Variants in CCDC186 observed in about 807,000 individuals in gnomAD.
CCDC186 encodes coiled-coil domain containing 186, also known as coiled-coil domain-containing protein 186.
A neutral mutation model predicts 113.7 loss-of-function variants in CCDC186; 49 were observed. That is an observed-to-expected ratio of 0.43 (90% CI 0.34 to 0.55). The LOEUF is 0.55. Ranked by LOEUF, CCDC186 falls within the 20% of genes least tolerant of loss-of-function variation. CCDC186 has a pLI of 0.02. For synonymous variants in CCDC186, 355 were observed against 345.8 expected, an observed-to-expected ratio of 1.03 and a Z score of -0.30; for missense variants, 890 against 1,011.1, an observed-to-expected ratio of 0.88 and a Z score of 1.62.
rs2030704892 is a variant in CCDC186 at position 114,121,025 on chromosome 10, T to C, written c.*4118A>G. On this transcript the variant is annotated 3_prime_UTR_variant, in exon 16 of 16. Transcript: ENST00000369287. The stretch of plus-strand genomic sequence containing the variant: ...ACATATATATATGTCCTCTGGAAGA[T>C]AAACAAGTTTCATCATTGCAGTCAA... 6.6e-6 allele frequency: 1 copy of C among 152,188 alleles called. No homozygotes were observed. Among genetic ancestry groups the C allele is most frequent in the Non-Finnish European group, 1.5e-5 (1 of 68,006 alleles). The allele number at this position is 152,188 out of a possible 1,614,324, so 9.4% of individuals were successfully genotyped here. A position where few individuals can be genotyped will look rare whatever the true frequency, so the allele number is the denominator to read the frequency against.
Position 114,131,305 on chromosome 10 carries a change from C to A in CCDC186, c.1943G>T (p.Arg648Leu), listed in dbSNP as rs758664195. ...ESRLLKEEEL[R>L]KEEVQTLQAE... ...TTGCAGAGTTTGGACTTCCTCTTTTCGCAGTTCTTCCTCTTTCAACAACCT... is the reference window on the plus strand; with the variant it reads ...TTGCAGAGTTTGGACTTCCTCTTTTAGCAGTTCTTCCTCTTTCAACAACCT... The change falls in exon 12 of 16, where the codon CGA becomes CTA. Residue 648 changes from arginine (R) to leucine (L), a missense_variant. Coordinates refer to ENST00000369287, the MANE Select transcript of CCDC186 (RefSeq NM_018017.4). 6.3e-7 allele frequency: 1 copy of A among 1,591,562 alleles called. No individual in the cohort carries two copies. The highest frequency in any genetic ancestry group is 1.2e-5 in the South Asian group (1 of 86,698).
chr10:114,145,830 G>A (rs938401022), intron 4 of CCDC186, 69 bp from the exon 5 acceptor site: 4 of 1,359,784 alleles, frequency 2.9e-6, no homozygotes, highest in African/African-American at 2.9e-5. Context: ...TGAAATACAT[G>A]GTATTTGTCT....
At chr10:114,146,221 GC>G in intron 4 of CCDC186, among the ~76,000 whole-genome samples, 1 of 152,182 alleles carries the variant, frequency 6.6e-6, no homozygotes, top group South Asian at 2.1e-4. Flanking sequence ...TTGGCTGATG[GC>G]CACTCCCCTT....
In CCDC186 at chr10:114,140,212, C is replaced by T. The variant is rs533746185; in HGVS notation, c.1222-2922G>A. ...AATAAAGCAAGGACATGAGAAAGTCCGGATAGAATGAAAGTTTGGAGAGAT... is the reference window on the plus strand; with the variant it reads ...AATAAAGCAAGGACATGAGAAAGTCTGGATAGAATGAAAGTTTGGAGAGAT... On this transcript the variant is annotated intron_variant, in intron 6 of 15. Transcript: ENST00000369287. Among the ~76,000 whole-genome samples the T allele has an allele frequency of 3.3e-5, 5 of 152,176 alleles. No homozygotes were observed. In the South Asian group the frequency reaches 6.2e-4, roughly 19 times the overall value.
At chr10:114,126,833 A>G (rs2030919146) in intron 14 of CCDC186, among the ~76,000 whole-genome samples, 1 of 152,252 alleles carries the variant, frequency 6.6e-6, no homozygotes, top group South Asian at 2.1e-4. Flanking sequence ...CAATATAAAA[A>G]AACTTTTATT....
At chr10:114,159,520 G>A (rs926019198) in intron 2 of CCDC186, among the ~76,000 whole-genome samples, 1 of 151,530 alleles carries the variant, frequency 6.6e-6, no homozygotes, top group Non-Finnish European at 1.5e-5. Context: ...GGGCGTGCCT[G>A]TAGTCCCAGC....
chr10:114,153,467 A>G (rs141495746), intron 3 of CCDC186, among the ~76,000 whole-genome samples: 10 of 152,276 alleles, frequency 6.6e-5, no homozygotes, highest in Admixed American at 2.0e-4. Context: ...AGGAAAATTT[A>G]TAACTACAAA....
rs2031573623 is a variant in CCDC186 at position 114,144,479 on chromosome 10, T to C, written c.1221+18A>G. Reference sequence around the variant, plus strand: ...AAAACTCATTCTAATCATTATTCCATTGTATTACAGTACGTACCTTGTGTG... The same window carrying C: ...AAAACTCATTCTAATCATTATTCCACTGTATTACAGTACGTACCTTGTGTG... On this transcript the variant is annotated intron_variant, in intron 6 of 15. Coordinates refer to ENST00000369287, the MANE Select transcript of CCDC186 (RefSeq NM_018017.4). 5 of 1,590,932 alleles carry C rather than the reference T, an allele frequency of 3.1e-6. No individual in the cohort carries two copies. The African/African-American group carries it at 4.1e-5, about 13-fold the overall frequency.
intron 2 of CCDC186, 121 bp downstream of exon 2, chr10:114,162,516 T>A: frequency 1.4e-6 from 1 of 699,460 alleles, no homozygotes; most frequent in Admixed American, 3.5e-5. Context: ...TCAACTACTA[T>A]GTGCATGATT....
At chr10:114,172,991 T>C (rs1156714853) in intron 1 of CCDC186, 1 of 266,342 alleles carries the variant, frequency 3.8e-6, no homozygotes, top group Admixed American at 4.2e-5. Context: ...TAATAGCAGA[T>C]TAATTTCTTC....
At chr10:114,159,222 C>T (rs188230694) in intron 2 of CCDC186, among the ~76,000 whole-genome samples, 51 of 152,264 alleles carry the variant, frequency 3.3e-4, no homozygotes, top group African/African-American at 1.2e-3. Flanking sequence ...TTATGTGAGG[C>T]ATACTCAATT....
chr10:114,154,138 T>C (rs1453904244), intron 3 of CCDC186, among the ~76,000 whole-genome samples: 3 of 146,434 alleles, frequency 2.0e-5, no homozygotes, highest in Non-Finnish European at 4.5e-5. Context: ...TTGAGCCTCA[T>C]AGGTAGAGGT....
At chr10:114,152,188 A>T (rs1338229441) in intron 3 of CCDC186, among the ~76,000 whole-genome samples, 1 of 152,114 alleles carries the variant, frequency 6.6e-6, no homozygotes, top group Admixed American at 6.5e-5. Context: ...AAAAAATTTT[A>T]AAAATTAGCT....
chr10:114,123,696 G>A lies in CCDC186; in HGVS notation c.*1447C>T, dbSNP rs1400746353. The A allele has an allele frequency of 6.6e-6, 1 of 152,180 alleles. No individual in the cohort carries two copies. The highest frequency in any genetic ancestry group is 2.4e-5 in the African/African-American group (1 of 41,450). The allele number at this position is 152,180 out of a possible 1,614,324, so 9.4% of individuals were successfully genotyped here. On this transcript the variant is annotated 3_prime_UTR_variant, in exon 16 of 16. Transcript: ENST00000369287. ...AATTGTAAGTGAGAAATAATAAGGG[G>A]TGAGAAAAAATTCAATGACAGAAAT...
Position 114,162,864 on chromosome 10 carries a change from A to G in CCDC186, c.405T>C (p.Thr135=). Reference sequence around the variant, plus strand: ...CTGTATCATAGGGGCTTTCTGAATAAGTCTTTTCATTAGCTGATTCTGGAA... The same window carrying G: ...CTGTATCATAGGGGCTTTCTGAATAGGTCTTTTCATTAGCTGATTCTGGAA... The part of the protein sequence containing the change: ...STFPESANEK[T]YSESPYDTDC... Residue 135 remains threonine, a synonymous_variant, in exon 2 of 16, where the codon ACT becomes ACC. Coordinates refer to ENST00000369287, the MANE Select transcript of CCDC186 (RefSeq NM_018017.4). The G allele has an allele frequency of 6.2e-7, 1 of 1,614,002 alleles. No individual in the cohort carries two copies. The highest frequency in any genetic ancestry group is 8.5e-7 in the Non-Finnish European group (1 of 1,179,940).
At chr10:114,150,678 T>C (rs1461700859) in intron 4 of CCDC186, among the ~76,000 whole-genome samples, 2 of 152,200 alleles carry the variant, frequency 1.3e-5, no homozygotes, top group Admixed American at 1.3e-4. Flanking sequence ...AGACAGAGTC[T>C]TGCTTTGTCA....
intron 13 of CCDC186, 91 bp downstream of exon 13, chr10:114,129,800 G>C: frequency 9.0e-7 from 1 of 1,115,364 alleles, no homozygotes; most frequent in South Asian, 1.3e-5. Context: ...AAAGTGCTGG[G>C]ATTACAGGTG....
intron 2 of CCDC186, among the ~76,000 whole-genome samples, chr10:114,159,832 C>T (rs1343811241): frequency 2.0e-5 from 3 of 151,792 alleles, no homozygotes; most frequent in South Asian, 4.2e-4. Flanking sequence ...CCTAGTGGTG[C>T]GCACCTGTTG....
chr10:114,150,513 T>C (rs1358745754), intron 4 of CCDC186, among the ~76,000 whole-genome samples: 1 of 151,994 alleles, frequency 6.6e-6, no homozygotes, highest in East Asian at 1.9e-4. Flanking sequence ...TACCAATAAT[T>C]AGCTATGGAA....
Sources: allele counts gnomAD v4.1 joint callset (sites outside exome capture counted in the v4.1 genomes callset), GRCh38; gene constraint gnomAD v4.1.1; transcripts MANE v1.5; gene names NCBI Gene and HGNC (gene_info 2026-07-23, HGNC 2026-07-21).